The following ATP2C1 variants were observed in gnomAD, a reference collection of about 807,000 sequenced individuals.
ATP2C1 encodes calcium-transporting ATPase type 2C member 1.
In ATP2C1, 31 loss-of-function variants were observed where a neutral mutation model predicts 120.5. The ratio of observed to expected loss-of-function variants is 0.26; its 90% CI spans 0.19 to 0.35. The LOEUF is 0.35. ATP2C1 is among the 10% of genes least tolerant of loss of function. The pLI is 1.00. For missense variants in ATP2C1, 731 were observed against 1,107.5 expected, an observed-to-expected ratio of 0.66 and a Z score of 4.83; for synonymous variants, 351 against 358.7, an observed-to-expected ratio of 0.98 and a Z score of 0.24.
At chr3:130,935,615 TTAA>T (rs926876049) in intron 5 of ATP2C1, among the ~76,000 whole-genome samples, 6 of 152,214 alleles carry the variant, frequency 3.9e-5, no homozygotes, top group Admixed American at 2.0e-4. Context: ...CACAACCATT[TTAA>T]TAATACTAAA....
At chr3:130,913,263 T>A (rs56033222) in intron 2 of ATP2C1, among the ~76,000 whole-genome samples, 26,543 of 146,286 alleles carry the variant, frequency 0.18, 2,449 homozygotes, top group Middle Eastern at 0.25. Context: ...TAAATAAATT[T>A]AAAAAAAAAA....
chr3:130,904,260 T>C (rs1471030249), intron 2 of ATP2C1, among the ~76,000 whole-genome samples: 2 of 152,022 alleles, frequency 1.3e-5, no homozygotes, highest in Non-Finnish European at 2.9e-5. Context: ...AACTATCCTT[T>C]TTCTAGTTCA....
At chr3:130,863,008 A>C (rs1331455264) in intron 1 of ATP2C1, among the ~76,000 whole-genome samples, 1 of 152,204 alleles carries the variant, frequency 6.6e-6, no homozygotes, top group East Asian at 1.9e-4. Flanking sequence ...TCGGGGCCTT[A>C]AAGAGGGTTC....
chr3:130,988,283 C>T (rs1359982423), intron 20 of ATP2C1, among the ~76,000 whole-genome samples: 2 of 152,040 alleles, frequency 1.3e-5, no homozygotes, highest in African/African-American at 4.8e-5. Context: ...CTTCCTTTCC[C>T]TAGTACATCT....
At chr3:130,918,294 C>T in intron 2 of ATP2C1, 1 of 1,555,704 alleles carries the variant, frequency 6.4e-7, no homozygotes, top group Non-Finnish European at 8.8e-7. Context: ...GCATAGCACC[C>T]TTTACAATAG....
intron 24 of ATP2C1, 40 bp downstream of exon 24, chr3:130,996,836 ATGTG>A: frequency 1.6e-6 from 2 of 1,283,684 alleles, no homozygotes; most frequent in Non-Finnish European, 2.3e-6. Flanking sequence ...AAGACAAGGA[ATGTG>A]TACTACCCTG....
At chr3:131,015,584 A>G (rs1450410996) in intron 26 of ATP2C1, among the ~76,000 whole-genome samples, 1 of 152,206 alleles carries the variant, frequency 6.6e-6, no homozygotes. Flanking sequence ...TCACTTGGGC[A>G]TCTACTCATC....
chr3:130,928,254 C>G (rs940394138), intron 2 of ATP2C1: 3 of 152,304 alleles, frequency 2.0e-5, no homozygotes, highest in African/African-American at 7.2e-5. Context: ...ACTTGAGGTG[C>G]AGGTGTGGTT....
At position 130,931,313 on chromosome 3, in the gene ATP2C1, G is replaced by C. The variant is rs145602411; in HGVS notation, c.118-709G>C. On this transcript the variant is annotated intron_variant, in intron 3 of 27. Transcript: ENST00000510168. ...AGTTAGAATACTAAATCATGAGAGA[G>C]AATAACTGAAGGATGTAGGTAGTGT... Among the ~76,000 whole-genome samples, 490 of 152,206 alleles carry C rather than the reference G, an allele frequency of 3.2e-3. 2 individuals are homozygous for C. Among genetic ancestry groups the C allele is most frequent in the Admixed American group, 7.3e-3 (111 of 15,286 alleles).
chr3:130,921,135 G>A (rs1468207186), intron 2 of ATP2C1, among the ~76,000 whole-genome samples: 1 of 145,064 alleles, frequency 6.9e-6, no homozygotes, highest in East Asian at 2.0e-4. Context: ...AGGCTGGAGT[G>A]CAGGGGCACA....
At chr3:130,886,545 T>C (rs2068976643) in intron 1 of ATP2C1, among the ~76,000 whole-genome samples, 1 of 152,206 alleles carries the variant, frequency 6.6e-6, no homozygotes, top group Admixed American at 6.5e-5. Context: ...TTATTTCTTT[T>C]GTCTTCTCTG....
intron 2 of ATP2C1, among the ~76,000 whole-genome samples, chr3:130,898,801 T>G (rs2069874429): frequency 6.6e-6 from 1 of 152,172 alleles, no homozygotes; most frequent in Non-Finnish European, 1.5e-5. Context: ...TTTGGAGATC[T>G]TAGTTAGCCA....
chr3:130,928,045 G>T (rs563812400), intron 2 of ATP2C1: 13 of 152,744 alleles, frequency 8.5e-5, no homozygotes, highest in African/African-American at 2.9e-4. Context: ...CTCCAAATGG[G>T]CAGCTTCCAT....
intron 20 of ATP2C1, among the ~76,000 whole-genome samples, chr3:130,987,313 CTTTG>C (rs1489679011): frequency 6.6e-6 from 1 of 151,406 alleles, no homozygotes; most frequent in East Asian, 1.9e-4. Flanking sequence ...TTCTGCTTTC[CTTTG>C]TTTGTTTTTT....
intron 8 of ATP2C1, among the ~76,000 whole-genome samples, chr3:130,953,268 C>G (rs1277489132): frequency 1.3e-5 from 2 of 151,790 alleles, no homozygotes; most frequent in African/African-American, 2.4e-5. Context: ...TAGTTATGAT[C>G]TGCATGAAAG....
chr3:130,870,203 C>T (rs527355656), intron 1 of ATP2C1, among the ~76,000 whole-genome samples: 5 of 152,310 alleles, frequency 3.3e-5, no homozygotes, highest in African/African-American at 1.2e-4. Context: ...CAAAATATTA[C>T]TGCTCTTCAC....
At chr3:131,012,990 CT>C (rs1401207141) in intron 26 of ATP2C1, among the ~76,000 whole-genome samples, 1 of 152,172 alleles carries the variant, frequency 6.6e-6, no homozygotes, top group Non-Finnish European at 1.5e-5. Context: ...TTAAAGCTAC[CT>C]TTAGGGCTAT....
intron 1 of ATP2C1, among the ~76,000 whole-genome samples, chr3:130,855,502 G>A (rs554703693): frequency 4.6e-5 from 7 of 152,114 alleles, no homozygotes; most frequent in Non-Finnish European, 1.0e-4. Flanking sequence ...TTGAGATCTA[G>A]GGGAAATCAT....
At chr3:130,988,875 G>GAGTGCAGTGAGGTGTGAACT (rs2062154499) in intron 20 of ATP2C1, among the ~76,000 whole-genome samples, 1 of 152,118 alleles carries the variant, frequency 6.6e-6, no homozygotes, top group East Asian at 1.9e-4. Flanking sequence ...TCTCTGATTG[G>GAGTGCAGTGAGGTGTGAACT]TCACAGGCTA....
Sources: gnomAD v4.1 joint callset for allele counts (sites outside exome capture counted in the v4.1 genomes callset) on GRCh38, gnomAD v4.1.1 for gene constraint, MANE v1.5 for transcripts, NCBI Gene and HGNC (gene_info 2026-07-23, HGNC 2026-07-21) for gene names.